Variants in PACRG observed in about 807,000 individuals in gnomAD.
The protein encoded by PACRG is parkin coregulated gene protein.
A neutral mutation model predicts 29.7 loss-of-function variants in PACRG; 29 were observed. The ratio of observed to expected loss-of-function variants is 0.98; its 90% CI spans 0.73 to 1.33. The LOEUF (loss-of-function observed/expected upper bound fraction) is 1.33, where lower values mean the gene tolerates loss of function less well. Ranked by LOEUF, PACRG falls within the 40% of genes most tolerant of loss-of-function variation. PACRG has a pLI of 0.00. For synonymous variants in PACRG, 116 were observed against 118.7 expected (o/e 0.98, Z 0.15); for missense variants, 279 against 316.2 (o/e 0.88, Z 0.89).
At chr6:162,958,186 G>A (rs1800212975) in intron 2 of PACRG, among the ~76,000 whole-genome samples, 1 of 152,108 alleles carries the variant, frequency 6.6e-6, no homozygotes, top group South Asian at 2.1e-4. Context: ...GAGCTTTGGA[G>A]GTAGTGCTTT....
intron 4 of PACRG, among the ~76,000 whole-genome samples, chr6:163,093,530 C>A (rs1468563885): frequency 1.3e-5 from 2 of 152,156 alleles, no homozygotes; most frequent in African/African-American, 4.8e-5. Context: ...GGAGCATGAG[C>A]CAATAAATGG....
chr6:162,815,578 G>C (rs575854500), intron 2 of PACRG, among the ~76,000 whole-genome samples: 2 of 151,454 alleles, frequency 1.3e-5, no homozygotes, highest in East Asian at 3.9e-4. Flanking sequence ...TGGGAAAGAG[G>C]TGAGTAACAT....
At chr6:163,314,647 A>T (rs534508976) in intron 4 of PACRG, among the ~76,000 whole-genome samples, 180 bp from the exon 5 acceptor site, 1 of 152,322 alleles carries the variant, frequency 6.6e-6, no homozygotes, top group Admixed American at 6.5e-5. Context: ...CATCGGCTCC[A>T]ATCTGGGACT....
chr6:163,184,848 C>T (rs1396090173), intron 4 of PACRG: 1 of 152,164 alleles, frequency 6.6e-6, no homozygotes. Context: ...GGCAGTTCTG[C>T]AGGCTCCACA....
chr6:162,958,793 CACAT>C (rs936498073), intron 2 of PACRG, among the ~76,000 whole-genome samples: 5 of 145,846 alleles, frequency 3.4e-5, no homozygotes, highest in Admixed American at 2.1e-4. Context: ...CATATACACA[CACAT>C]ATATATAGCA....
At chr6:163,032,230 T>A (rs562403120) in intron 2 of PACRG, among the ~76,000 whole-genome samples, 66 of 152,344 alleles carry the variant, frequency 4.3e-4, no homozygotes, top group Non-Finnish European at 3.4e-4. Context: ...TCAGCAGCAT[T>A]TTAAGCAAAA....
intron 3 of PACRG, among the ~76,000 whole-genome samples, chr6:163,082,591 A>G (rs945371407): frequency 3.3e-5 from 5 of 152,192 alleles, no homozygotes; most frequent in South Asian, 2.1e-4. Flanking sequence ...ACATATGTCT[A>G]TGGAAAAGAT....
At chr6:163,129,721 C>T (rs1007286068) in intron 4 of PACRG, among the ~76,000 whole-genome samples, 1 of 152,202 alleles carries the variant, frequency 6.6e-6, no homozygotes, top group Non-Finnish European at 1.5e-5. Context: ...TCCGACTGTA[C>T]ATCCTTGGCC....
At chr6:162,940,383 T>C (rs913454384) in intron 2 of PACRG, among the ~76,000 whole-genome samples, 3 of 152,038 alleles carry the variant, frequency 2.0e-5, no homozygotes, top group African/African-American at 4.8e-5. Context: ...CTCTATGTTC[T>C]CTCTCTCCCT....
intron 1 of PACRG, among the ~76,000 whole-genome samples, chr6:162,802,911 A>C (rs1032880974): frequency 6.6e-6 from 1 of 152,066 alleles, no homozygotes; most frequent in Non-Finnish European, 1.5e-5. Context: ...TTAAATATTC[A>C]GGTACTGTCT....
At chr6:163,298,302 A>G (rs1179303447) in intron 4 of PACRG, among the ~76,000 whole-genome samples, 1 of 152,092 alleles carries the variant, frequency 6.6e-6, no homozygotes, top group African/African-American at 2.4e-5. Context: ...GGAAAAGGTT[A>G]ACCCTCCTTA....
chr6:163,206,806 C>G (rs1047676677), intron 4 of PACRG, among the ~76,000 whole-genome samples: 19 of 86,428 alleles, frequency 2.2e-4, no homozygotes, highest in Non-Finnish European at 1.6e-4. Context: ...AGCTTTGTCA[C>G]AAGTAATCTC....
chr6:163,265,769 A>G (rs1013472645), intron 4 of PACRG, among the ~76,000 whole-genome samples: 15 of 152,232 alleles, frequency 9.9e-5, no homozygotes, highest in Non-Finnish European at 2.2e-4. Flanking sequence ...GCTAGTTGAC[A>G]TGTTAATGAT....
chr6:162,819,436 C>A (rs1307217191), intron 2 of PACRG, among the ~76,000 whole-genome samples: 2 of 151,456 alleles, frequency 1.3e-5, no homozygotes, highest in Non-Finnish European at 2.9e-5. Flanking sequence ...ATATTTATAC[C>A]CCACATTATT....
At chr6:162,806,132 G>A (rs547604148) in intron 1 of PACRG, among the ~76,000 whole-genome samples, 214 of 148,388 alleles carry the variant, frequency 1.4e-3, no homozygotes, top group Non-Finnish European at 2.8e-3. Flanking sequence ...TTTTTAGATC[G>A]AGTTTCACTC....
chr6:163,230,726 A>C, intron 4 of PACRG, among the ~76,000 whole-genome samples: 1 of 61,914 alleles, frequency 1.6e-5, no homozygotes, highest in East Asian at 5.6e-4. Flanking sequence ...TGGTTGAATA[A>C]ACAAATGAAG....
rs1238526227 is a variant in PACRG at position 163,132,885 on chromosome 6, T to A, written c.613+43477T>A. On this transcript the variant is annotated intron_variant, in intron 4 of 4. Coordinates refer to ENST00000366888, the MANE Select transcript of PACRG (RefSeq NM_001080379.2). ...TAGAAAAATATAATTTTAAAAGGTG[T>A]TCCCAAGAATTAGTAAAGAAGAAAA... Among the ~76,000 whole-genome samples, 4 of 152,190 alleles carry A rather than the reference T, an allele frequency of 2.6e-5. 1 individual carries two copies. In the East Asian group the frequency reaches 7.7e-4, roughly 29 times the overall value.
rs571639139 is a variant in PACRG at position 162,953,647 on chromosome 6, T to C, written c.292-108503T>C. ...TTGGAACTGTCTAGAACTGCCATAG[T>C]ACTTGACTGACAGAGCTTGCTGTCC... On this transcript the variant is annotated intron_variant, in intron 2 of 4. Transcript: ENST00000366888. Among the ~76,000 whole-genome samples, 12 of 152,260 alleles carry C rather than the reference T, an allele frequency of 7.9e-5. No homozygotes were observed. In the South Asian group the frequency reaches 1.9e-3, roughly 24 times the overall value.
intron 4 of PACRG, among the ~76,000 whole-genome samples, chr6:163,103,295 G>T (rs1815200645): frequency 6.6e-6 from 1 of 152,096 alleles, no homozygotes; most frequent in Non-Finnish European, 1.5e-5. Flanking sequence ...CTGGCTGGTT[G>T]GCAGCAGTGG....
Sources: allele counts gnomAD v4.1 joint callset (sites outside exome capture counted in the v4.1 genomes callset), GRCh38; gene constraint gnomAD v4.1.1; transcripts MANE v1.5; gene names NCBI Gene and HGNC (gene_info 2026-07-23, HGNC 2026-07-21).